GRIP1: variants seen among roughly 807,000 people sequenced by gnomAD.
GRIP1 encodes glutamate receptor-interacting protein 1.
A neutral mutation model predicts 129.9 loss-of-function variants in GRIP1; 45 were observed. That is an observed-to-expected ratio of 0.35 (90% confidence interval 0.27 to 0.44). The LOEUF (loss-of-function observed/expected upper bound fraction) is 0.44. Ranked by LOEUF, GRIP1 falls within the 20% of genes least tolerant of loss-of-function variation. The pLI, the probability that GRIP1 is intolerant of heterozygous loss-of-function variation, is 1.00. For synonymous variants in GRIP1, 530 were observed against 520.8 expected (o/e 1.02, Z -0.24); for missense variants, 1,196 against 1,396.8 (o/e 0.86, Z 2.29).
intron 24 of GRIP1, among the ~76,000 whole-genome samples, chr12:66,351,837 C>T (rs557503701): frequency 3.3e-5 from 5 of 152,034 alleles, no homozygotes; most frequent in South Asian, 2.1e-4. Flanking sequence ...AAAAACACAC[C>T]GATGCCGTAT....
chr12:66,568,545 A>C lies in GRIP1; in HGVS notation c.137-26595T>G, dbSNP rs138558202. ...GCATCACTTGTTCCATTGGATGTGA[A>C]AGAATTAAGTGATTCTGTGCTATCT... On this transcript the variant is annotated intron_variant, in intron 2 of 24. Coordinates refer to ENST00000359742, the MANE Select transcript of GRIP1 (RefSeq NM_001366722.1). The C allele has an allele frequency of 2.1e-5, 4 of 187,164 alleles. No homozygotes were observed. In the East Asian group the frequency reaches 7.2e-4, roughly 34 times the overall value. The allele number at this position is 187,164 out of a possible 1,614,324, so 11.6% of individuals were successfully genotyped here.
chr12:66,813,035 G>A (rs1175770781), intron 1 of GRIP1, among the ~76,000 whole-genome samples: 5 of 149,938 alleles, frequency 3.3e-5, no homozygotes, highest in African/African-American at 1.0e-4. Flanking sequence ...ATGAGGAGGT[G>A]TGTTAGTCTG....
At chr12:66,606,088 G>GT (rs1358250553) in intron 1 of GRIP1, among the ~76,000 whole-genome samples, 1 of 152,130 alleles carries the variant, frequency 6.6e-6, no homozygotes, top group Non-Finnish European at 1.5e-5. Flanking sequence ...TCTTAAGTGT[G>GT]TAACGGCCTT....
intron 1 of GRIP1, among the ~76,000 whole-genome samples, chr12:66,846,339 T>C (rs1334276808): frequency 6.6e-6 from 1 of 152,178 alleles, no homozygotes; most frequent in Non-Finnish European, 1.5e-5. Flanking sequence ...TCTTCCAGTT[T>C]TGTCTTAGTG....
chr12:66,810,999 C>CTTA (rs919588622), intron 1 of GRIP1, among the ~76,000 whole-genome samples: 36 of 152,142 alleles, frequency 2.4e-4, no homozygotes, highest in African/African-American at 8.4e-4. Flanking sequence ...GAGGACAGTG[C>CTTA]TTACAGTTTG....
At chr12:66,719,451 T>A (rs2136438157) in intron 1 of GRIP1, among the ~76,000 whole-genome samples, 1 of 152,318 alleles carries the variant, frequency 6.6e-6, no homozygotes, top group Admixed American at 6.5e-5. Flanking sequence ...AAGAGCCAAC[T>A]AATTTTTAAT....
intron 1 of GRIP1, among the ~76,000 whole-genome samples, chr12:66,686,617 G>C (rs1310765836): frequency 6.6e-6 from 1 of 151,854 alleles, no homozygotes; most frequent in East Asian, 1.9e-4. Context: ...GCATAGGAAG[G>C]AGCTAAGTTT....
At chr12:66,520,964 A>G (rs550941960) in intron 5 of GRIP1, among the ~76,000 whole-genome samples, 57 of 152,362 alleles carry the variant, frequency 3.7e-4, no homozygotes, top group African/African-American at 1.3e-3. Context: ...TTACTTGTAC[A>G]GTGACTTTTC....
At chr12:66,706,112 A>G (rs11176388) in intron 1 of GRIP1, among the ~76,000 whole-genome samples, 3,490 of 152,312 alleles carry the variant, frequency 0.023, 144 homozygotes, top group African/African-American at 0.08. Flanking sequence ...ATCAGAGTGA[A>G]CAAGCAACCT....
chr12:66,421,157 C>T (rs1364712213), intron 14 of GRIP1, among the ~76,000 whole-genome samples: 2 of 152,166 alleles, frequency 1.3e-5, no homozygotes, highest in African/African-American at 4.8e-5. Flanking sequence ...TTCTTTTATT[C>T]CTTTCCAGTG....
chr12:66,373,588 A>T (rs1269769223), intron 22 of GRIP1, among the ~76,000 whole-genome samples: 1 of 152,244 alleles, frequency 6.6e-6, no homozygotes, highest in Non-Finnish European at 1.5e-5. Context: ...CTATACACAC[A>T]CTACTAACAA....
intron 1 of GRIP1, among the ~76,000 whole-genome samples, chr12:67,009,091 T>C (rs1272825746): frequency 1.3e-5 from 2 of 152,162 alleles, no homozygotes; most frequent in Admixed American, 6.6e-5. Flanking sequence ...TGGTCTGAAA[T>C]ATTTTAAGTG....
intron 7 of GRIP1, among the ~76,000 whole-genome samples, chr12:66,511,061 C>T (rs570213943): frequency 6.8e-4 from 104 of 152,192 alleles, no homozygotes; most frequent in African/African-American, 2.2e-3. Context: ...TCACAATTCC[C>T]ACGTGTTGTG....
At chr12:66,622,796 T>G (rs10878470) in intron 1 of GRIP1, among the ~76,000 whole-genome samples, 30,085 of 152,086 alleles carry the variant, frequency 0.2, 3,092 homozygotes, top group Non-Finnish European at 0.23. Flanking sequence ...CTCATACTCA[T>G]CCTTCTAGTC....
intron 1 of GRIP1, among the ~76,000 whole-genome samples, chr12:66,939,590 C>G (rs1435492270): frequency 6.6e-6 from 1 of 152,088 alleles, no homozygotes; most frequent in Non-Finnish European, 1.5e-5. Context: ...TGCTATCATT[C>G]CAACTGGGGC....
At chr12:66,423,191 T>C (rs1022955440) in intron 14 of GRIP1, among the ~76,000 whole-genome samples, 1 of 152,218 alleles carries the variant, frequency 6.6e-6, no homozygotes, top group Non-Finnish European at 1.5e-5. Flanking sequence ...CTACCACTTA[T>C]TAGCTATATG....
Position 66,452,913 on chromosome 12 carries a change from G to A in GRIP1, c.1354+2496C>T, listed in dbSNP as rs979118480. 5.3e-5 allele frequency among the ~76,000 whole-genome samples: 8 copies of A among 152,202 alleles called. No individual in the cohort carries two copies. In the South Asian group the frequency reaches 6.2e-4, roughly 12 times the overall value. ...TCATTTTTTCAGGTCTTTTTGAAGTGTGAATAAAAGTTCATAGCATTTTGG... is the reference window on the plus strand; with the variant it reads ...TCATTTTTTCAGGTCTTTTTGAAGTATGAATAAAAGTTCATAGCATTTTGG... On this transcript the variant is annotated intron_variant, in intron 11 of 24. Coordinates refer to ENST00000359742, the MANE Select transcript of GRIP1 (RefSeq NM_001366722.1).
intron 1 of GRIP1, among the ~76,000 whole-genome samples, chr12:66,919,357 C>G (rs1592344726): frequency 2.0e-5 from 3 of 152,140 alleles, no homozygotes; most frequent in African/African-American, 7.2e-5. Context: ...CTTAGGGAAT[C>G]TGAACAAGGT....
rs375974838 is a variant in GRIP1 at position 66,445,455 on chromosome 12, T to C, written c.1408A>G (p.Thr470Ala). The change falls in exon 12 of 25, where the codon ACC becomes GCC. Residue 470 changes from threonine to alanine, a missense_variant. Physicochemically the swap from Thr to Ala is moderately conservative, Grantham distance 58. Around this residue, in one of 5 missense-constraint regions of GRIP1, gnomAD observed 508 missense variants for 587.0 expected, o/e 0.87. Coordinates refer to ENST00000359742, the MANE Select transcript of GRIP1 (RefSeq NM_001366722.1). The part of the protein sequence containing the change: ...GLAGQVVHTE[T>A]TEVVLTADPV... ...TCTGCCGTCAGCACAACCTCTGTGGTTTCTGTGTGAACAACCTGCCCAGCC... is the reference window on the plus strand; with the variant it reads ...TCTGCCGTCAGCACAACCTCTGTGGCTTCTGTGTGAACAACCTGCCCAGCC... 3 of 1,613,964 alleles carry C rather than the reference T, an allele frequency of 1.9e-6. No homozygotes were observed. The highest frequency in any genetic ancestry group is 2.7e-5 in the African/African-American group (2 of 74,898).
Sources: allele counts gnomAD v4.1 joint callset (sites outside exome capture counted in the v4.1 genomes callset), GRCh38; gene constraint gnomAD v4.1.1; regional missense constraint gnomAD v4.1.1; transcripts MANE v1.5; gene names NCBI Gene and HGNC (gene_info 2026-07-23, HGNC 2026-07-21).